Variants in RSPO4 observed in about 807,000 individuals in gnomAD.
The protein encoded by RSPO4 is R-spondin 4.
RSPO4 carries 23 observed loss-of-function variants against 24.8 expected under a neutral mutation model. That is an observed-to-expected ratio of 0.93 (90% CI 0.67 to 1.31). RSPO4 has a LOEUF of 1.31. RSPO4 is among the 40% of genes most tolerant of loss of function. RSPO4 has a pLI of 0.00. For missense variants in RSPO4, 333 were observed against 316.5 expected (o/e 1.05, Z -0.39); for synonymous variants, 141 against 127.4 (o/e 1.11, Z -0.72).
intron 1 of RSPO4, among the ~76,000 whole-genome samples, chr20:969,740 A>C (rs1228469771): frequency 6.6e-6 from 1 of 152,040 alleles, no homozygotes; most frequent in Non-Finnish European, 1.5e-5. Context: ...AGCAGGGGAG[A>C]CCACTGGGAG....
chr20:996,627 T>C (rs1985300909), intron 1 of RSPO4, among the ~76,000 whole-genome samples: 1 of 152,162 alleles, frequency 6.6e-6, no homozygotes, highest in Non-Finnish European at 1.5e-5. Context: ...TTGAAGGCCA[T>C]ACAAAAATAG....
rs751751853 is a variant in RSPO4 at position 967,342 on chromosome 20, T to C, written c.269-28A>G. On this transcript the variant is annotated intron_variant, in intron 2 of 4. Transcript: ENST00000217260. ...GTAATAGAGCCAGGGACACCCCAGG[T>C]GAGGGAGACTGCCAAGGATGGGGCC... 4 of 1,613,000 alleles carry C rather than the reference T, an allele frequency of 2.5e-6. No homozygotes were observed. In the South Asian group the frequency reaches 3.3e-5, roughly 13 times the overall value.
At chr20:984,734 G>A (rs960949166) in intron 1 of RSPO4, among the ~76,000 whole-genome samples, 1 of 152,150 alleles carries the variant, frequency 6.6e-6, no homozygotes, top group African/African-American at 2.4e-5. Flanking sequence ...GTGGACTCTT[G>A]TCCAGTTCTG....
intron 1 of RSPO4, among the ~76,000 whole-genome samples, chr20:983,248 G>C (rs1568923149): frequency 6.6e-6 from 1 of 152,002 alleles, no homozygotes. Flanking sequence ...ACCTTTGGCA[G>C]AGCACCTGGA....
intron 4 of RSPO4, among the ~76,000 whole-genome samples, chr20:962,732 T>C (rs1984042825): frequency 6.6e-6 from 1 of 152,222 alleles, no homozygotes; most frequent in Non-Finnish European, 1.5e-5. Context: ...GGCTCCACTA[T>C]GTCCCAGCTG....
intron 1 of RSPO4, among the ~76,000 whole-genome samples, chr20:972,824 G>A (rs996513928): frequency 1.3e-5 from 2 of 152,328 alleles, no homozygotes; most frequent in Middle Eastern, 3.4e-3. Flanking sequence ...AAGCCCACTG[G>A]GCCTGAGAGG....
In RSPO4 at chr20:1,002,081, T is replaced by TGTGAA; in HGVS notation, c.79+4_79+5insTTCAC. On this transcript the variant is annotated splice_donor_region_variant and intron_variant, in intron 1 of 4. Coordinates refer to ENST00000217260, the MANE Select transcript of RSPO4 (RefSeq NM_001029871.4). The surrounding 1 kb of genome is among the most constrained non-coding windows in gnomAD (Gnocchi z 4.6). ...CCGGCCGCCCTGCCCAGCCACCCCT[T>TGTGAA]GTACCTTGCTTCTTCCTTCGGTTCA... The TGTGAA allele has an allele frequency of 6.4e-7, 1 of 1,554,116 alleles. No individual in the cohort carries two copies. Among genetic ancestry groups the TGTGAA allele is most frequent in the Non-Finnish European group, 8.7e-7 (1 of 1,148,498 alleles).
intron 1 of RSPO4, among the ~76,000 whole-genome samples, chr20:980,302 T>A (rs1475753153): frequency 1.3e-5 from 2 of 151,796 alleles, no homozygotes; most frequent in Non-Finnish European, 2.9e-5. Flanking sequence ...CCATGCAGAG[T>A]CCCTTACCTA....
chr20:963,482 G>A (rs767309138), intron 4 of RSPO4, among the ~76,000 whole-genome samples: 6 of 152,102 alleles, frequency 3.9e-5, no homozygotes, highest in Non-Finnish European at 5.9e-5. Flanking sequence ...GGTCCTCACT[G>A]GGATTGTACT....
chr20:992,695 C>T (rs1488767045), intron 1 of RSPO4, among the ~76,000 whole-genome samples: 1 of 152,186 alleles, frequency 6.6e-6, no homozygotes, highest in Non-Finnish European at 1.5e-5. Context: ...AATACTGTCA[C>T]CCAAGCATGG....
intron 1 of RSPO4, among the ~76,000 whole-genome samples, chr20:987,743 A>T (rs1054946950): frequency 6.6e-6 from 1 of 152,228 alleles, no homozygotes; most frequent in African/African-American, 2.4e-5. Flanking sequence ...ATGAGCTAAG[A>T]TCGTGCTATT....
chr20:1,002,156 CG>C lies in RSPO4; in HGVS notation c.8del (p.Ala3GlyfsTer18), dbSNP rs1985491266. 1 of 1,554,266 alleles carries C rather than the reference CG, an allele frequency of 6.4e-7. No homozygotes were observed. The highest frequency in any genetic ancestry group is 1.7e-4 in the Middle Eastern group (1 of 5,980). ...CGACGAGCAGGAGCAGGCAGAGTGG[CG>C]CCCGCATCTGGGCAGCCGGATCCGG... MRAPLCLLLLVAH... is the reference protein window; with the variant it reads MRXPLCLLLLVAH... On this transcript the variant is annotated frameshift_variant, in exon 1 of 5. Transcript: ENST00000217260. LOFTEE classifies it high-confidence loss of function. The surrounding 1 kb of genome is among the most constrained non-coding windows in gnomAD (Gnocchi z 4.6).
At chr20:978,741 G>T (rs140803112) in intron 1 of RSPO4, among the ~76,000 whole-genome samples, 1 of 152,234 alleles carries the variant, frequency 6.6e-6, no homozygotes, top group African/African-American at 2.4e-5. Flanking sequence ...TAGGGAGGCA[G>T]ATGTGGGGAC....
At chr20:978,143 G>A (rs6056379) in intron 1 of RSPO4, among the ~76,000 whole-genome samples, 6,343 of 152,246 alleles carry the variant, frequency 0.042, 470 homozygotes, top group African/African-American at 0.14. Context: ...GGAGGTGGGG[G>A]GACCAGCAGG....
chr20:984,871 C>T (rs1040180155), intron 1 of RSPO4, among the ~76,000 whole-genome samples: 5 of 151,302 alleles, frequency 3.3e-5, no homozygotes, highest in Non-Finnish European at 5.9e-5. Context: ...ACCCACCCAC[C>T]TACCCATCTG....
At chr20:994,694 G>A (rs190503224) in intron 1 of RSPO4, among the ~76,000 whole-genome samples, 2 of 152,286 alleles carry the variant, frequency 1.3e-5, no homozygotes, top group East Asian at 1.9e-4. Flanking sequence ...GTAGTTGGTA[G>A]TTGGGATTAC....
At chr20:964,709 CATATATATAT>C (rs537350471) in intron 3 of RSPO4, among the ~76,000 whole-genome samples, 2 of 146,508 alleles carry the variant, frequency 1.4e-5, no homozygotes, top group African/African-American at 5.3e-5. Flanking sequence ...CACACACACA[CATATATATAT>C]ACACATATAT....
At chr20:983,792 T>G (rs1984816836) in intron 1 of RSPO4, among the ~76,000 whole-genome samples, 1 of 152,142 alleles carries the variant, frequency 6.6e-6, no homozygotes, top group Admixed American at 6.5e-5. Context: ...GTGGATCTCT[T>G]CTTTCACAGG....
Position 967,299 on chromosome 20 carries a change from C to T in RSPO4, c.284G>A (p.Cys95Tyr). The T allele has an allele frequency of 6.2e-7, 1 of 1,614,176 alleles. No homozygotes were observed. Among genetic ancestry groups the T allele is most frequent in the South Asian group, 1.1e-5 (1 of 91,088 alleles). The change falls in exon 3 of 5, where the codon TGT becomes TAT. Residue 95 changes from cysteine to tyrosine, a missense_variant. Coordinates refer to ENST00000217260, the MANE Select transcript of RSPO4 (RefSeq NM_001029871.4). ...GAAGTCCTGGCTGAAGCAGCTCTCA[C>T]AAGTGGCCCCACATTCTGTAATAGA... ...VNRCKKCGAT[C>Y]ESCFSQDFCI...
Sources: gnomAD v4.1 joint callset for allele counts (sites outside exome capture counted in the v4.1 genomes callset) on GRCh38, gnomAD v4.1.1 for gene constraint, Gnocchi (gnomAD v3.1) non-coding constraint, MANE v1.5 for transcripts, NCBI Gene and HGNC (gene_info 2026-07-23, HGNC 2026-07-21) for gene names.